The following CDC42SE2 variants were observed in gnomAD, a reference collection of about 807,000 sequenced individuals.
CDC42SE2 encodes the protein CDC42 small effector protein 2.
A neutral mutation model predicts 11.5 loss-of-function variants in CDC42SE2; 3 were observed. The observed-to-expected ratio is 0.26, with a 90% CI of 0.12 to 0.67. The LOEUF is 0.67. Ranked by LOEUF, CDC42SE2 falls within the 30% of genes least tolerant of loss-of-function variation. The pLI, the probability that CDC42SE2 is intolerant of heterozygous loss-of-function variation, is 0.80. For missense variants in CDC42SE2, 82 were observed against 106.8 expected (o/e 0.77, Z 1.02); for synonymous variants, 33 against 34.8 (o/e 0.95, Z 0.18).
At chr5:131,335,317 C>CTG (rs1178753577) in intron 2 of CDC42SE2, among the ~76,000 whole-genome samples, 1 of 152,212 alleles carries the variant, frequency 6.6e-6, no homozygotes, top group Non-Finnish European at 1.5e-5. Context: ...TTTGATTGCA[C>CTG]TGTGGTCTGA....
At chr5:131,289,548 C>T (rs538269505) in intron 1 of CDC42SE2, among the ~76,000 whole-genome samples, 5 of 152,168 alleles carry the variant, frequency 3.3e-5, no homozygotes, top group African/African-American at 1.2e-4. Flanking sequence ...TGGCACGCGC[C>T]TGTAGTCCCA....
At chr5:131,335,149 A>C (rs1291219470) in intron 2 of CDC42SE2, among the ~76,000 whole-genome samples, 4 of 152,086 alleles carry the variant, frequency 2.6e-5, no homozygotes, top group Admixed American at 2.6e-4. Flanking sequence ...TGTGTCCCAG[A>C]GATTCTGGTA....
chr5:131,285,337 G>A (rs1297627811), intron 1 of CDC42SE2, among the ~76,000 whole-genome samples: 1 of 152,048 alleles, frequency 6.6e-6, no homozygotes, highest in African/African-American at 2.4e-5. Context: ...ATCTTTGTAT[G>A]TTACTGATAT....
chr5:131,312,509 C>T (rs1252478881), intron 1 of CDC42SE2, among the ~76,000 whole-genome samples: 1 of 152,204 alleles, frequency 6.6e-6, no homozygotes, highest in African/African-American at 2.4e-5. Context: ...CTAAGCAAGC[C>T]TGGGCAATGG....
chr5:131,242,734 G>A (rs918448406), upstream of CDC42SE2, among the ~76,000 whole-genome samples: 1 of 152,138 alleles, frequency 6.6e-6, no homozygotes, highest in African/African-American at 2.4e-5. Flanking sequence ...AGGTGGCTAT[G>A]TTGGTCTAAG....
chr5:131,264,045 G>A (rs1043197448), upstream of CDC42SE2: 2 of 151,358 alleles, frequency 1.3e-5, no homozygotes, highest in East Asian at 1.9e-4. Flanking sequence ...GGGCGGGGAG[G>A]GGGAGCCAGG....
the CDC42SE2 span, among the ~76,000 whole-genome samples, chr5:131,224,286 C>T: frequency 1.3e-5 from 2 of 152,206 alleles, no homozygotes; most frequent in Admixed American, 1.3e-4. Flanking sequence ...TCAACATCTC[C>T]ACTCGAATAT....
chr5:131,225,784 G>T, the CDC42SE2 span, among the ~76,000 whole-genome samples: 1 of 152,000 alleles, frequency 6.6e-6, no homozygotes, highest in East Asian at 1.9e-4. Flanking sequence ...ATCACAGCAG[G>T]CCTCAGGAGG....
chr5:131,381,395 C>T (rs1750321406), intron 3 of CDC42SE2, among the ~76,000 whole-genome samples: 1 of 151,866 alleles, frequency 6.6e-6, no homozygotes, highest in African/African-American at 2.4e-5. Context: ...TCGATCTCGG[C>T]TCACTGCAAC....
At chr5:131,275,831 TTAG>T (rs1370616971) in intron 1 of CDC42SE2, among the ~76,000 whole-genome samples, 4 of 152,008 alleles carry the variant, frequency 2.6e-5, no homozygotes, top group African/African-American at 9.7e-5. Context: ...CAAAAAGTTA[TTAG>T]TATGCCTGTC....
intron 2 of CDC42SE2, among the ~76,000 whole-genome samples, chr5:131,337,373 G>C (rs1758596893): frequency 6.6e-6 from 1 of 152,190 alleles, no homozygotes; most frequent in Non-Finnish European, 1.5e-5. Flanking sequence ...TGTCAAGTCT[G>C]CCCCTACTGG....
chr5:131,273,634 G>T (rs181279873), intron 1 of CDC42SE2, among the ~76,000 whole-genome samples: 1 of 151,516 alleles, frequency 6.6e-6, no homozygotes, highest in African/African-American at 2.4e-5. Context: ...TTAGCCAGGC[G>T]TGGCGGCTGG....
intron 1 of CDC42SE2, among the ~76,000 whole-genome samples, chr5:131,296,360 C>A (rs377275574): frequency 1.3e-5 from 2 of 152,188 alleles, no homozygotes; most frequent in African/African-American, 4.8e-5. Flanking sequence ...CAAGGTATCA[C>A]AAACTAGGTG....
At chr5:131,368,145 C>T (rs1382715174) in intron 3 of CDC42SE2, among the ~76,000 whole-genome samples, 2 of 150,816 alleles carry the variant, frequency 1.3e-5, no homozygotes, top group Non-Finnish European at 2.9e-5. Context: ...CCCAGCTACT[C>T]AGGAGGCTGA....
chr5:131,295,887 G>A (rs531036558), intron 1 of CDC42SE2, among the ~76,000 whole-genome samples: 6 of 152,012 alleles, frequency 3.9e-5, no homozygotes, highest in Middle Eastern at 3.4e-3. Context: ...GTGTTTCACC[G>A]TGTTAGCCAG....
intron 1 of CDC42SE2, among the ~76,000 whole-genome samples, chr5:131,247,393 T>A (rs1437843666): frequency 1.3e-5 from 2 of 151,686 alleles, no homozygotes; most frequent in African/African-American, 4.8e-5. Context: ...CCGAGGCGAG[T>A]GGATCACGAG....
At chr5:131,285,959 C>T (rs569893231) in intron 1 of CDC42SE2, among the ~76,000 whole-genome samples, 2 of 152,080 alleles carry the variant, frequency 1.3e-5, no homozygotes, top group Non-Finnish European at 2.9e-5. Flanking sequence ...ATCACTTCTG[C>T]TTTACAAATC....
intron 2 of CDC42SE2, among the ~76,000 whole-genome samples, chr5:131,352,717 T>G (rs1749381390): frequency 6.6e-6 from 1 of 152,236 alleles, no homozygotes; most frequent in African/African-American, 2.4e-5. Context: ...ATCAACTGTT[T>G]CAGCTAGTTT....
At chr5:131,237,080 G>A in the CDC42SE2 span, among the ~76,000 whole-genome samples, 2 of 152,106 alleles carry the variant, frequency 1.3e-5, no homozygotes, top group African/African-American at 4.8e-5. Context: ...AGACAGCAGG[G>A]ATCACCTCAT....
Sources: allele counts gnomAD v4.1 joint callset (sites outside exome capture counted in the v4.1 genomes callset), GRCh38; gene constraint gnomAD v4.1.1; transcripts MANE v1.5; gene names NCBI Gene and HGNC (gene_info 2026-07-23, HGNC 2026-07-21).